The following PIK3R1 variants were observed in gnomAD, a reference collection of about 807,000 sequenced individuals.
The protein encoded by PIK3R1 is phosphoinositide-3-kinase regulatory subunit 1, also known as phosphatidylinositol 3-kinase regulatory subunit alpha.
A neutral mutation model predicts 98.0 loss-of-function variants in PIK3R1; 29 were observed. The observed-to-expected ratio is 0.30, with a 90% CI of 0.22 to 0.40. The LOEUF is 0.40. PIK3R1 is among the 10% of genes least tolerant of loss of function. The probability of loss-of-function intolerance (pLI) is 1.00; values close to 1 mark genes in which losing one functional copy is unlikely to be tolerated. For synonymous variants in PIK3R1, 282 were observed against 311.8 expected (o/e 0.90, Z 1.01); for missense variants, 596 against 872.7 (o/e 0.68, Z 3.99).
chr5:68,233,165 G>A (rs1744546126), intron 2 of PIK3R1, among the ~76,000 whole-genome samples: 1 of 152,164 alleles, frequency 6.6e-6, no homozygotes, highest in Non-Finnish European at 1.5e-5. Flanking sequence ...TTTACCTATG[G>A]CAAATAAGAG....
intron 2 of PIK3R1, among the ~76,000 whole-genome samples, chr5:68,237,846 G>T (rs1172787888): frequency 6.6e-6 from 1 of 152,192 alleles, no homozygotes; most frequent in African/African-American, 2.4e-5. Context: ...TAGCAGGGCA[G>T]ACCCATCTCT....
At position 68,297,465 on chromosome 5, in the gene PIK3R1, G is replaced by T. The variant is rs2112290892; in HGVS notation, c.2039G>T (p.Gly680Val). Reference sequence around the variant, plus strand: ...ATAAACAAAACAGCAACTGGCTATGGCTTTGCCGAGCCCTATAACTTGTAC... The same window carrying T: ...ATAAACAAAACAGCAACTGGCTATGTCTTTGCCGAGCCCTATAACTTGTAC... ...CVINKTATGY[G>V]FAEPYNLYSS... The change falls in exon 16 of 16, where the codon GGC (glycine) becomes GTC (valine). Residue 680 changes from glycine (G) to valine (V), a missense_variant. By Grantham distance (109) the Gly-to-Val change is moderately radical (BLOSUM62 -3). This residue lies in a region of PIK3R1 where 207 missense variants were observed against 361.4 expected (regional missense o/e 0.57). Transcript: ENST00000521381. The T allele has an allele frequency of 6.2e-7, 1 of 1,614,188 alleles. No homozygotes were observed. The highest frequency in any genetic ancestry group is 8.5e-7 in the Non-Finnish European group (1 of 1,180,010).
chr5:68,218,143 C>T (rs1561253497), intron 1 of PIK3R1, among the ~76,000 whole-genome samples: 1 of 152,112 alleles, frequency 6.6e-6, no homozygotes, highest in African/African-American at 2.4e-5. Context: ...GAAATCCTCA[C>T]AGAATAAAGT....
chr5:68,220,928 C>T (rs371242159), intron 1 of PIK3R1, among the ~76,000 whole-genome samples: 2 of 152,176 alleles, frequency 1.3e-5, no homozygotes, highest in South Asian at 2.1e-4. Context: ...GAATGTGTCC[C>T]CCAGAGTTTA....
intron 2 of PIK3R1, among the ~76,000 whole-genome samples, chr5:68,236,390 C>T (rs1375374345): frequency 6.6e-6 from 1 of 152,152 alleles, no homozygotes; most frequent in South Asian, 2.1e-4. Context: ...GCTGGGACTA[C>T]AGGCACCTGC....
intron 2 of PIK3R1, among the ~76,000 whole-genome samples, chr5:68,230,983 G>T (rs560871802): frequency 6.6e-6 from 1 of 152,224 alleles, no homozygotes; most frequent in African/African-American, 2.4e-5. Context: ...GCTTTAGCTT[G>T]CTCAGATCCT....
At chr5:68,255,411 T>G (rs1268673828) in intron 2 of PIK3R1, among the ~76,000 whole-genome samples, 2 of 152,196 alleles carry the variant, frequency 1.3e-5, no homozygotes, top group Non-Finnish European at 2.9e-5. Flanking sequence ...AGCCTCCGAT[T>G]CAGCCTCATC....
chr5:68,293,024 A>C, intron 8 of PIK3R1, 77 bp from the exon 9 acceptor site: 1 of 1,235,990 alleles, frequency 8.1e-7, no homozygotes, highest in Non-Finnish European at 1.2e-6. Context: ...CTGCTCTAAA[A>C]AATAGCCTAT....
chr5:68,244,515 G>GCACC (rs1561267462), intron 2 of PIK3R1, among the ~76,000 whole-genome samples: 2 of 11,800 alleles, frequency 1.7e-4, no homozygotes, highest in African/African-American at 1.0e-3. Context: ...CTCTAGGACC[G>GCACC]CCCCCCCGCC....
intron 2 of PIK3R1, among the ~76,000 whole-genome samples, chr5:68,266,705 C>A (rs951157328): frequency 6.6e-6 from 1 of 152,096 alleles, no homozygotes; most frequent in Non-Finnish European, 1.5e-5. Context: ...TATACTCTGG[C>A]GCAGGGAAGA....
At position 68,299,895 on chromosome 5, in the gene PIK3R1, C is replaced by T. The variant is rs1000317384; in HGVS notation, c.*2294C>T. 5 of 233,062 alleles carry T rather than the reference C, an allele frequency of 2.1e-5. No homozygotes were observed. The highest frequency in any genetic ancestry group is 1.8e-4 in the South Asian group (1 of 5,526). The allele number at this position is 233,062 out of a possible 1,614,324, so 14.4% of individuals were successfully genotyped here. On this transcript the variant is annotated 3_prime_UTR_variant, in exon 16 of 16. Transcript: ENST00000521381. ...TTCCCTCTCATCGCCAGACAACTGACGATTTCCCTGGTTTTAGTCTGCGTC... is the reference window on the plus strand; with the variant it reads ...TTCCCTCTCATCGCCAGACAACTGATGATTTCCCTGGTTTTAGTCTGCGTC...
chr5:68,273,069 A>G (rs1746426612), intron 2 of PIK3R1, among the ~76,000 whole-genome samples: 1 of 151,954 alleles, frequency 6.6e-6, no homozygotes, highest in African/African-American at 2.4e-5. Flanking sequence ...TGCACATCCA[A>G]ACTCCCATCC....
In PIK3R1 at chr5:68,300,391, A is replaced by C. The variant is rs1265361863; in HGVS notation, c.*2790A>C. ...ATATTGTCTGAACGGCTGAATATGA[A>C]TAGATACAGCAGAGGCACTCCTGAT... On this transcript the variant is annotated 3_prime_UTR_variant, in exon 16 of 16. Coordinates refer to ENST00000521381, the MANE Select transcript of PIK3R1 (RefSeq NM_181523.3). 8.6e-6 allele frequency: 2 copies of C among 232,914 alleles called. No individual in the cohort carries two copies. The highest frequency in any genetic ancestry group is 2.2e-5 in the African/African-American group (1 of 45,330). 14.4% of individuals were successfully genotyped at this position (232,914 alleles called of 1,614,324 possible). A position where few individuals can be genotyped will look rare whatever the true frequency, so the allele number is the denominator to read the frequency against.
At chr5:68,285,914 A>G (rs1317600362) in intron 7 of PIK3R1, among the ~76,000 whole-genome samples, 1 of 152,206 alleles carries the variant, frequency 6.6e-6, no homozygotes, top group African/African-American at 2.4e-5. Flanking sequence ...TAAAATTATG[A>G]AGAGAGGTAT....
intron 7 of PIK3R1, among the ~76,000 whole-genome samples, chr5:68,282,736 G>A (rs1029580393): frequency 2.0e-5 from 3 of 152,166 alleles, no homozygotes; most frequent in Non-Finnish European, 4.4e-5. Context: ...CAATTGGTGC[G>A]CCTGTTTCAA....
intron 5 of PIK3R1, 49 bp from the exon 6 acceptor site, chr5:68,280,479 G>A (rs780248222): frequency 1.6e-6 from 2 of 1,269,574 alleles, no homozygotes; most frequent in East Asian, 2.3e-5. Context: ...CTGATACCTG[G>A]AAGTAGTCGC....
intron 1 of PIK3R1, among the ~76,000 whole-genome samples, chr5:68,216,987 C>T (rs983246641): frequency 2.0e-5 from 3 of 152,160 alleles, no homozygotes; most frequent in African/African-American, 7.2e-5. Context: ...CTATTAATAT[C>T]GGAAAGGTCT....
At chr5:68,275,134 C>T (rs6890202) in intron 4 of PIK3R1, among the ~76,000 whole-genome samples, 75,666 of 151,984 alleles carry the variant, frequency 0.5, 21,133 homozygotes, top group African/African-American at 0.77. Context: ...CCAGATGTTT[C>T]AAAAGTTAAA....
intron 1 of PIK3R1, among the ~76,000 whole-genome samples, chr5:68,218,680 C>T (rs1196922350): frequency 1.3e-5 from 2 of 152,162 alleles, no homozygotes; most frequent in Admixed American, 6.5e-5. Flanking sequence ...AATTCTCTCA[C>T]GTCAAGGCAT....
Sources: allele counts gnomAD v4.1 joint callset (sites outside exome capture counted in the v4.1 genomes callset), GRCh38; gene constraint gnomAD v4.1.1; regional missense constraint gnomAD v4.1.1; transcripts MANE v1.5; gene names NCBI Gene and HGNC (gene_info 2026-07-23, HGNC 2026-07-21).